Variants in KRT15 observed in about 807,000 individuals in gnomAD.
The protein encoded by KRT15 is keratin, type I cytoskeletal 15.
Under a neutral mutation model 46.6 loss-of-function variants are expected in KRT15, and 45 were observed. The ratio of observed to expected loss-of-function variants is 0.97; its 90% CI spans 0.76 to 1.24. The LOEUF (loss-of-function observed/expected upper bound fraction) is 1.24. Among genes scored for constraint, KRT15 ranks in the 50% most tolerant of loss-of-function variants. The pLI is 0.00. For missense variants in KRT15, 592 were observed against 588.9 expected (o/e 1.01, Z -0.05); for synonymous variants, 221 against 233.8 (o/e 0.95, Z 0.50).
intron 1 of KRT15, 98 bp from the exon 2 acceptor site, chr17:41,517,263 C>T (rs1291739493): frequency 2.0e-6 from 2 of 994,624 alleles, no homozygotes; most frequent in Non-Finnish European, 1.5e-6. Flanking sequence ...AATCACCCCT[C>T]ACTGACAATC....
In KRT15 at chr17:41,516,021, T is replaced by C. The variant is rs767172959; in HGVS notation, c.901-11A>G. ...GTTCAGCTCCTCAGTCTGTAGGTCA[T>C]GCACAACAGAAGTGAGCCCCGGGGC... On this transcript the variant is annotated splice_polypyrimidine_tract_variant and intron_variant, in intron 4 of 7. Coordinates refer to ENST00000254043, the MANE Select transcript of KRT15 (RefSeq NM_002275.4). 4.3e-6 allele frequency: 7 copies of C among 1,614,032 alleles called. No homozygotes were observed. The highest frequency in any genetic ancestry group is 4.5e-5 in the East Asian group (2 of 44,870).
At chr17:41,515,393 C>G in intron 6 of KRT15, 79 bp downstream of exon 6, 1 of 1,269,824 alleles carries the variant, frequency 7.9e-7, no homozygotes, top group Non-Finnish European at 1.1e-6. Flanking sequence ...TAGGGACACC[C>G]TGCCATTCCC....
chr17:41,517,525 C>G (rs1445884496), intron 1 of KRT15: 2 of 309,166 alleles, frequency 6.5e-6, no homozygotes, highest in South Asian at 7.1e-5. Flanking sequence ...CTCCACCAGC[C>G]CCACTGTGGA....
At chr17:41,514,779 C>A in intron 6 of KRT15, 105 bp from the exon 7 acceptor site, 2 of 1,185,164 alleles carry the variant, frequency 1.7e-6, no homozygotes, top group Non-Finnish European at 2.5e-6. Flanking sequence ...CCCTACACCA[C>A]CACCACCCAC....
intron 1 of KRT15, chr17:41,517,699 G>T: frequency 5.9e-6 from 1 of 168,438 alleles, no homozygotes; most frequent in Non-Finnish European, 1.3e-5. Flanking sequence ...AATGTGTAAT[G>T]AGTTCCCAGG....
chr17:41,514,623 A>T (rs1905270898), intron 7 of KRT15, 26 bp downstream of exon 7: 1 of 1,611,512 alleles, frequency 6.2e-7, no homozygotes, highest in African/African-American at 1.3e-5. Context: ...TCCCCACCCC[A>T]CACCAGAAGA....
intron 3 of KRT15, 60 bp downstream of exon 3, chr17:41,516,748 G>A: frequency 6.3e-7 from 1 of 1,595,902 alleles, no homozygotes; most frequent in Admixed American, 1.7e-5. Flanking sequence ...ATTTAAGTGA[G>A]TTTTGGGAAG....
rs767019289 is a variant in KRT15 at position 41,516,906 on chromosome 17, G to C, written c.640C>G (p.Arg214Gly). 5 of 1,614,040 alleles carry C rather than the reference G, an allele frequency of 3.1e-6. No individual in the cohort carries two copies. The highest frequency in any genetic ancestry group is 4.2e-6 in the Non-Finnish European group (5 of 1,180,020). ...GVEADINGLR[R>G]VLDELTLART... is the part of the protein sequence containing the mutation. ...GCCAGGGTCAGCTCATCCAGGACTC[G>C]GCGCAAGCCGTTGATGTCAGCCTCA... The change falls in exon 3 of 8, where the codon CGA becomes GGA. Residue 214 changes from arginine to glycine, a missense_variant. Transcript: ENST00000254043.
intron 2 of KRT15, 28 bp from the exon 3 acceptor site, chr17:41,516,992 G>A (rs760035894): frequency 1.2e-6 from 2 of 1,614,234 alleles, no homozygotes; most frequent in East Asian, 4.5e-5. Context: ...AAAGAAGGAA[G>A]TGGGAGGGGT....
Position 41,514,015 on chromosome 17 carries a change from A to G in KRT15, c.*8T>C, listed in dbSNP as rs1330784445. 2 of 1,604,086 alleles carry G rather than the reference A, an allele frequency of 1.2e-6. No individual in the cohort carries two copies. The highest frequency in any genetic ancestry group is 1.1e-5 in the South Asian group (1 of 90,876). On this transcript the variant is annotated 3_prime_UTR_variant, in exon 8 of 8. Coordinates refer to ENST00000254043, the MANE Select transcript of KRT15 (RefSeq NM_002275.4). ...AGTGGCAAGGGACGTTTCTCCTGCA[A>G]TAGACACTTAGATTTCTCTCTTGTG...
Position 41,518,350 on chromosome 17 carries a change from TG to T in KRT15, c.477del (p.Ile160LeufsTer60). 6.2e-7 allele frequency: 1 copy of T among 1,613,114 alleles called. No homozygotes were observed. The highest frequency in any genetic ancestry group is 8.5e-7 in the Non-Finnish European group (1 of 1,179,270). On this transcript the variant is annotated frameshift_variant, in exon 1 of 8. Coordinates refer to ENST00000254043, the MANE Select transcript of KRT15 (RefSeq NM_002275.4). LOFTEE classifies it high-confidence loss of function. ...PECDYSQYFK[T>X]IEELRDKIMA... is the part of the protein sequence containing the mutation. ...CTCACCTTGTCCCGGAGCTCTTCAA[TG>T]GTCTTGAAGTATTGGCTGTAGTCGC...
At chr17:41,514,938 C>G (rs1478374794) in intron 6 of KRT15, 1 of 383,312 alleles carries the variant, frequency 2.6e-6, no homozygotes. Flanking sequence ...ACGATCTCAG[C>G]CCACTGAAAC....
chr17:41,518,888 CAG>C lies in KRT15; in HGVS notation c.-63_-62del. 1 of 1,511,378 alleles carries C rather than the reference CAG, an allele frequency of 6.6e-7. No homozygotes were observed. Among genetic ancestry groups the C allele is most frequent in the Non-Finnish European group, 8.8e-7 (1 of 1,132,154 alleles). 93.6% of individuals were successfully genotyped at this position (1,511,378 alleles called of 1,614,324 possible). On this transcript the variant is annotated 5_prime_UTR_variant, in exon 1 of 8. Transcript: ENST00000254043. ...CCCAAGAGATGCTGGCAGGAGGTAC[CAG>C]GCCAGGCTGCACGCTGGGGCTCCTT...
intron 7 of KRT15, 192 bp from the exon 8 acceptor site, chr17:41,514,312 T>G: frequency 1.6e-6 from 1 of 608,264 alleles, no homozygotes; most frequent in East Asian, 2.7e-5. Context: ...ATGGCAGGTA[T>G]GCCCGGCAGG....
In KRT15 at chr17:41,514,498, G is replaced by T. The variant is rs115386860; in HGVS notation, c.1273+151C>A. ...GCAATCTCACCTGGGGCTGACAGAA[G>T]TTCCCACTGGGGAAGAGGCATCTAA... On this transcript the variant is annotated intron_variant, in intron 7 of 7. Coordinates refer to ENST00000254043, the MANE Select transcript of KRT15 (RefSeq NM_002275.4). 1,714 of 696,788 alleles carry T rather than the reference G, an allele frequency of 2.5e-3. 20 individuals are homozygous for T. In the African/African-American group the frequency reaches 0.027, roughly 11 times the overall value. The allele number at this position is 696,788 out of a possible 1,614,324, so 43.2% of individuals were successfully genotyped here.
In KRT15 at chr17:41,517,096, C is replaced by A. The variant is rs147023381; in HGVS notation, c.568G>T (p.Asp190Tyr). 9.9e-6 allele frequency: 16 copies of A among 1,614,160 alleles called. No homozygotes were observed. The East Asian group carries it at 3.6e-4, about 36-fold the overall frequency. The stretch of plus-strand genomic sequence containing the variant: ...GGGGGAGCGCACTTGAGCCTGAAGT[C>A]GTCCGCAGCCAGCCTGGCATTGTCG... ...EIDNARLAAD[D>Y]FRLKYENELA... The change falls in exon 2 of 8, where the codon GAC becomes TAC. Residue 190 changes from aspartate to tyrosine, a missense_variant. Coordinates refer to ENST00000254043, the MANE Select transcript of KRT15 (RefSeq NM_002275.4).
At chr17:41,515,390 A>G in intron 6 of KRT15, 82 bp downstream of exon 6, 1 of 1,219,230 alleles carries the variant, frequency 8.2e-7, no homozygotes, top group Non-Finnish European at 1.2e-6. Flanking sequence ...GCTTAGGGAC[A>G]CCCTGCCATT....
intron 2 of KRT15, 56 bp from the exon 3 acceptor site, chr17:41,517,020 G>A: frequency 6.2e-7 from 1 of 1,614,130 alleles, no homozygotes; most frequent in South Asian, 1.1e-5. Context: ...GCCTGAGTCA[G>A]AGCCAGGAGA....
rs755584063 is a variant in KRT15 at position 41,515,555 on chromosome 17, C to T, written c.1164G>A (p.Glu388=). ...TCTTTATGTCAAGCAGCATCTTGTA[C>T]TCCTGGTTCTGAGCCTCCATCTCGC... ...LRCEMEAQNQ[E]YKMLLDIKTR... Residue 388 remains glutamate (E), a synonymous_variant, in exon 6 of 8, where the codon GAG becomes GAA. Transcript: ENST00000254043. The T allele has an allele frequency of 1.2e-6, 2 of 1,614,178 alleles. No homozygotes were observed. The highest frequency in any genetic ancestry group is 1.1e-5 in the South Asian group (1 of 91,086).
Sources: allele counts gnomAD v4.1 joint callset, GRCh38; gene constraint gnomAD v4.1.1; transcripts MANE v1.5; gene names NCBI Gene and HGNC (gene_info 2026-07-23, HGNC 2026-07-21).